The following ACYP2 variants were observed in gnomAD, a reference collection of about 807,000 sequenced individuals.
ACYP2 encodes acylphosphatase-2.
In ACYP2, 12 loss-of-function variants were observed where a neutral mutation model predicts 11.2. That is an observed-to-expected ratio of 1.08 (90% CI 0.69 to 1.74). The LOEUF (loss-of-function observed/expected upper bound fraction) is 1.74, where lower values mean the gene tolerates loss of function less well. ACYP2 is among the 40% of genes most tolerant of loss of function. The pLI is 0.00. For synonymous variants in ACYP2, 43 were observed against 32.2 expected, an observed-to-expected ratio of 1.33 and a Z score of -1.13; for missense variants, 134 against 101.9, an observed-to-expected ratio of 1.31 and a Z score of -1.35.
intron 4 of ACYP2, among the ~76,000 whole-genome samples, chr2:54,077,033 A>G (rs1677378451): frequency 6.6e-6 from 1 of 152,246 alleles, no homozygotes; most frequent in African/African-American, 2.4e-5. Flanking sequence ...CAGGTTTTCA[A>G]TAATGTGTTT....
chr2:54,014,113 G>A (rs948896715), intron 2 of ACYP2, among the ~76,000 whole-genome samples: 9 of 151,702 alleles, frequency 5.9e-5, no homozygotes, highest in Admixed American at 2.6e-4. Flanking sequence ...AGCTGAGATC[G>A]CACTGTTGCA....
intron 4 of ACYP2, among the ~76,000 whole-genome samples, chr2:54,072,500 TCTC>T (rs1677103952): frequency 1.6e-5 from 1 of 62,900 alleles, no homozygotes; most frequent in Non-Finnish European, 3.6e-5. Flanking sequence ...TCTTTCTTTC[TCTC>T]TCTCTCTCTT....
intron 6 of ACYP2, among the ~76,000 whole-genome samples, chr2:54,238,909 A>C (rs1023161468): frequency 2.0e-5 from 3 of 151,674 alleles, no homozygotes; most frequent in Non-Finnish European, 2.9e-5. Context: ...GGTACTGCCT[A>C]GCCTATTTTT....
At chr2:54,041,110 T>TTTC (rs1319479694) in intron 2 of ACYP2, among the ~76,000 whole-genome samples, 9 of 31,586 alleles carry the variant, frequency 2.8e-4, no homozygotes, top group African/African-American at 1.1e-3. Context: ...TCTTTCTTTC[T>TTTC]TTTTTTTTGT....
At chr2:54,011,645 G>A (rs982099556) in intron 2 of ACYP2, among the ~76,000 whole-genome samples, 6 of 152,112 alleles carry the variant, frequency 3.9e-5, no homozygotes, top group African/African-American at 7.2e-5. Context: ...TTAGCAATAA[G>A]CTTTTCTATT....
intron 4 of ACYP2, among the ~76,000 whole-genome samples, chr2:54,086,998 G>A (rs973189579): frequency 1.3e-5 from 2 of 152,166 alleles, no homozygotes; most frequent in Non-Finnish European, 2.9e-5. Context: ...GCAACTAGTA[G>A]AGCTATTTTA....
chr2:54,197,245 T>G (rs1684528333), intron 6 of ACYP2, among the ~76,000 whole-genome samples: 1 of 152,104 alleles, frequency 6.6e-6, no homozygotes, highest in African/African-American at 2.4e-5. Context: ...GAGAGCTACC[T>G]CAGGGGTCAC....
intron 4 of ACYP2, among the ~76,000 whole-genome samples, chr2:54,058,456 C>T (rs148763362): frequency 6.6e-6 from 1 of 152,014 alleles, no homozygotes; most frequent in East Asian, 1.9e-4. Context: ...TCTATTAACC[C>T]CTGACACACA....
chr2:54,303,919 T>C (rs1192596372), intron 6 of ACYP2, among the ~76,000 whole-genome samples: 9 of 152,240 alleles, frequency 5.9e-5, no homozygotes, highest in African/African-American at 2.2e-4. Context: ...CTCAGTGTTA[T>C]CTGAGATGTC....
chr2:54,112,017 T>C lies in ACYP2; in HGVS notation c.278-23436T>C, dbSNP rs186712538. ...GTGTATTATCTATCCTTATTAGATA[T>C]ACACATATAGAGATGTGTATTATCT... On this transcript the variant is annotated intron_variant, in intron 4 of 6. Transcript: ENST00000607452. Among the ~76,000 whole-genome samples the C allele has an allele frequency of 9.2e-5, 14 of 152,348 alleles. No individual in the cohort carries two copies. The East Asian group carries it at 1.9e-3, about 21-fold the overall frequency.
At chr2:54,140,931 C>A (rs1681568360) in intron 6 of ACYP2, among the ~76,000 whole-genome samples, 1 of 152,152 alleles carries the variant, frequency 6.6e-6, no homozygotes, top group Non-Finnish European at 1.5e-5. Context: ...CAGCTGTAAA[C>A]AATTTACATT....
chr2:54,275,438 G>T (rs907535227), intron 6 of ACYP2, among the ~76,000 whole-genome samples: 1 of 152,152 alleles, frequency 6.6e-6, no homozygotes. Context: ...CAGTATGCTG[G>T]CAACAGTCTT....
At chr2:54,058,709 AT>A (rs58430648) in intron 4 of ACYP2, among the ~76,000 whole-genome samples, 36,908 of 135,114 alleles carry the variant, frequency 0.27, 4,622 homozygotes, top group African/African-American at 0.34. Context: ...CTGGCTGATA[AT>A]TTTTTTTTTT....
At chr2:54,147,947 G>T (rs1265550770) in intron 6 of ACYP2, among the ~76,000 whole-genome samples, 1 of 152,096 alleles carries the variant, frequency 6.6e-6, no homozygotes, top group African/African-American at 2.4e-5. Flanking sequence ...TATAAAAAAA[G>T]GGTTCATTTT....
At chr2:53,988,964 G>C (rs1324065141) in intron 2 of ACYP2, among the ~76,000 whole-genome samples, 1 of 152,076 alleles carries the variant, frequency 6.6e-6, no homozygotes, top group South Asian at 2.1e-4. Flanking sequence ...GGCCAGGCTG[G>C]TCTTCAACTC....
intron 2 of ACYP2, among the ~76,000 whole-genome samples, chr2:54,021,165 G>A (rs1030302335): frequency 2.6e-5 from 4 of 152,126 alleles, no homozygotes; most frequent in Admixed American, 6.6e-5. Context: ...CATACGAGCC[G>A]GAGTGGTAGG....
intron 4 of ACYP2, among the ~76,000 whole-genome samples, chr2:54,130,585 G>T (rs1198899351): frequency 1.3e-5 from 2 of 152,130 alleles, no homozygotes; most frequent in Non-Finnish European, 2.9e-5. Context: ...TAGTTAAGGA[G>T]GTTCTTGTAG....
chr2:54,050,038 G>A (rs544728762), intron 2 of ACYP2, among the ~76,000 whole-genome samples: 51 of 152,196 alleles, frequency 3.4e-4, no homozygotes, highest in African/African-American at 1.2e-3. Flanking sequence ...ATAAATGCGT[G>A]TATTTCTGTG....
chr2:54,166,111 A>G (rs576439877), intron 6 of ACYP2, among the ~76,000 whole-genome samples: 1 of 152,304 alleles, frequency 6.6e-6, no homozygotes, highest in South Asian at 2.1e-4. Context: ...ATCTAGGTGC[A>G]GCCTCAATTA....
Sources: allele counts gnomAD v4.1 joint callset (sites outside exome capture counted in the v4.1 genomes callset), GRCh38; gene constraint gnomAD v4.1.1; transcripts MANE v1.5; gene names NCBI Gene and HGNC (gene_info 2026-07-23, HGNC 2026-07-21).